The following FUT9 variants were observed in gnomAD, a reference collection of about 807,000 sequenced individuals.
FUT9 encodes the protein fucosyltransferase 9.
Under a neutral mutation model 29.7 loss-of-function variants are expected in FUT9, and 15 were observed. The observed-to-expected ratio is 0.51, with a 90% CI of 0.34 to 0.78. The LOEUF (loss-of-function observed/expected upper bound fraction) is 0.78. Ranked by LOEUF, FUT9 falls within the 30% of genes least tolerant of loss-of-function variation. The pLI is 0.01. For missense variants in FUT9, 319 were observed against 425.4 expected (o/e 0.75, Z 2.20); for synonymous variants, 169 against 153.7 (o/e 1.10, Z -0.74).
chr6:96,123,947 T>C (rs897298943), intron 2 of FUT9, among the ~76,000 whole-genome samples: 1 of 151,670 alleles, frequency 6.6e-6, no homozygotes, highest in Non-Finnish European at 1.5e-5. Context: ...GTGAAACAGA[T>C]GTGGAAAGGT....
At chr6:96,098,147 G>A (rs1024925266) in intron 1 of FUT9, among the ~76,000 whole-genome samples, 1 of 151,914 alleles carries the variant, frequency 6.6e-6, no homozygotes, top group Non-Finnish European at 1.5e-5. Flanking sequence ...ATAAATGGAT[G>A]GAATGAATAG....
chr6:96,121,644 A>T (rs936013088), intron 2 of FUT9, among the ~76,000 whole-genome samples: 1 of 152,162 alleles, frequency 6.6e-6, no homozygotes, highest in Non-Finnish European at 1.5e-5. Flanking sequence ...ATTTTAAACT[A>T]TATTGTATCT....
intron 1 of FUT9, among the ~76,000 whole-genome samples, chr6:96,087,416 G>C (rs1442027415): frequency 6.9e-6 from 1 of 144,250 alleles, no homozygotes; most frequent in East Asian, 2.1e-4. Context: ...TACCAGGCTG[G>C]AGTGCAGTGG....
chr6:96,044,607 T>G (rs1191705924), intron 1 of FUT9, among the ~76,000 whole-genome samples: 2 of 152,224 alleles, frequency 1.3e-5, no homozygotes, highest in African/African-American at 4.8e-5. Flanking sequence ...ACTCTTAGAC[T>G]AGAAACTGGA....
chr6:96,039,693 A>G (rs9386298), intron 1 of FUT9, among the ~76,000 whole-genome samples: 1 of 151,776 alleles, frequency 6.6e-6, no homozygotes, highest in South Asian at 2.1e-4. Context: ...AAAATCTCTC[A>G]TGTTGCTTAT....
Position 96,124,267 on chromosome 6 carries a change from T to C in FUT9, c.-9+10140T>C, listed in dbSNP as rs140663410. Among the ~76,000 whole-genome samples the C allele has an allele frequency of 6.0e-3, 898 of 150,080 alleles. 13 individuals carry two copies. The highest frequency in any genetic ancestry group is 0.021 in the African/African-American group (857 of 40,872). ...CCCGGGTTCACACCATTCTCCTGCC[T>C]CAGTCTCCTGAGTAGCTGGAACTAA... On this transcript the variant is annotated intron_variant, in intron 2 of 2. Transcript: ENST00000302103.
At chr6:96,116,391 T>C (rs1432908887) in intron 2 of FUT9, among the ~76,000 whole-genome samples, 1 of 152,192 alleles carries the variant, frequency 6.6e-6, no homozygotes, top group Non-Finnish European at 1.5e-5. Flanking sequence ...TGAAGTTAAA[T>C]GCTTACTTAA....
chr6:96,162,698 G>A (rs552450329), intron 2 of FUT9, among the ~76,000 whole-genome samples: 14 of 152,160 alleles, frequency 9.2e-5, no homozygotes, highest in Non-Finnish European at 1.3e-4. Flanking sequence ...AGAGACCAAC[G>A]TTAACTAGTG....
intron 2 of FUT9, among the ~76,000 whole-genome samples, chr6:96,151,532 C>T (rs1214415034): frequency 6.6e-6 from 1 of 152,172 alleles, no homozygotes; most frequent in Non-Finnish European, 1.5e-5. Flanking sequence ...ATCAGTTCTG[C>T]CTTCCTCCTT....
rs1773956974 is a variant in FUT9 at position 96,212,491 on chromosome 6, AAAC to A, written c.*8259_*8261del. 5 of 409,308 alleles carry A rather than the reference AAAC, an allele frequency of 1.2e-5. No individual in the cohort carries two copies. The highest frequency in any genetic ancestry group is 1.4e-4 in the South Asian group (1 of 7,036). 25.4% of individuals were successfully genotyped at this position (409,308 alleles called of 1,614,324 possible). On this transcript the variant is annotated 3_prime_UTR_variant, in exon 3 of 3. Coordinates refer to ENST00000302103, the MANE Select transcript of FUT9 (RefSeq NM_006581.4). ...TGTGATTTTAAAATAATTAATCAAA[AAAC>A]AAAGACTATCATATTTGAGAACAAG...
intron 1 of FUT9, among the ~76,000 whole-genome samples, chr6:96,019,613 T>C (rs181805892): frequency 6.6e-6 from 1 of 152,212 alleles, no homozygotes; most frequent in East Asian, 1.9e-4. Context: ...ACCAAAGTTT[T>C]ACAACAATGC....
At chr6:96,176,197 T>A (rs1464737729) in intron 2 of FUT9, among the ~76,000 whole-genome samples, 1 of 152,134 alleles carries the variant, frequency 6.6e-6, no homozygotes, top group African/African-American at 2.4e-5. Context: ...ACACTATTGG[T>A]TTCCCTGGTT....
chr6:96,075,441 G>T (rs900106997), intron 1 of FUT9, among the ~76,000 whole-genome samples: 5 of 152,022 alleles, frequency 3.3e-5, no homozygotes, highest in African/African-American at 9.7e-5. Flanking sequence ...GAAATTTTGT[G>T]CTTCAGAAAT....
intron 1 of FUT9, among the ~76,000 whole-genome samples, chr6:96,035,925 T>TA (rs1770355366): frequency 1.4e-5 from 1 of 69,832 alleles, no homozygotes; most frequent in Non-Finnish European, 2.7e-5. Context: ...ATGTTTATTA[T>TA]ATTAATATAA....
intron 2 of FUT9, among the ~76,000 whole-genome samples, chr6:96,157,556 T>G (rs551385496): frequency 6.6e-6 from 1 of 152,264 alleles, no homozygotes; most frequent in African/African-American, 2.4e-5. Context: ...AGACAAATAA[T>G]GACATTTGAA....
intron 2 of FUT9, among the ~76,000 whole-genome samples, chr6:96,174,821 C>G (rs912004342): frequency 3.3e-5 from 5 of 152,084 alleles, no homozygotes; most frequent in African/African-American, 9.7e-5. Flanking sequence ...AAGACTTTTT[C>G]AATACATAAC....
At chr6:96,082,964 G>C (rs766523474) in intron 1 of FUT9, among the ~76,000 whole-genome samples, 1 of 151,908 alleles carries the variant, frequency 6.6e-6, no homozygotes, top group Non-Finnish European at 1.5e-5. Context: ...GCTTCATTTA[G>C]AAATGAGAGT....
In FUT9 at chr6:96,205,192, G is replaced by T. The variant is rs1309453637; in HGVS notation, c.*957G>T. 6.0e-6 allele frequency: 1 copy of T among 166,748 alleles called. No homozygotes were observed. Among genetic ancestry groups the T allele is most frequent in the Admixed American group, 6.6e-5 (1 of 15,224 alleles). The allele number at this position is 166,748 out of a possible 1,614,324, so 10.3% of individuals were successfully genotyped here. A position where few individuals can be genotyped will look rare whatever the true frequency, so the allele number is the denominator to read the frequency against. ...TTTTACCATATGGATATAAGATTTG[G>T]CTCATAATGATGAGCCCTATCATTT... On this transcript the variant is annotated 3_prime_UTR_variant, in exon 3 of 3. Transcript: ENST00000302103.
chr6:96,171,419 G>C (rs549805263), intron 2 of FUT9, among the ~76,000 whole-genome samples: 4 of 152,288 alleles, frequency 2.6e-5, no homozygotes, highest in Admixed American at 2.6e-4. Context: ...ACAGCTAGTG[G>C]AGGGCTGAAT....
Sources: allele counts gnomAD v4.1 joint callset (sites outside exome capture counted in the v4.1 genomes callset), GRCh38; gene constraint gnomAD v4.1.1; transcripts MANE v1.5; gene names NCBI Gene and HGNC (gene_info 2026-07-23, HGNC 2026-07-21).